PXDNL: variants seen among roughly 807,000 people sequenced by gnomAD.
The protein encoded by PXDNL is probable oxidoreductase PXDNL.
Under a neutral mutation model 150.8 loss-of-function variants are expected in PXDNL, and 145 were observed. That is an observed-to-expected ratio of 0.96 (90% CI 0.84 to 1.10). The LOEUF (loss-of-function observed/expected upper bound fraction) is 1.10. Ranked by LOEUF, PXDNL falls within the 50% of genes least tolerant of loss-of-function variation. The pLI, the probability that PXDNL is intolerant of heterozygous loss-of-function variation, is 0.00. For missense variants in PXDNL, 2,087 were observed against 1,873.9 expected (o/e 1.11, Z -2.10); for synonymous variants, 757 against 725.7 (o/e 1.04, Z -0.69).
At chr8:51,598,866 C>A (rs540818760) in intron 2 of PXDNL, among the ~76,000 whole-genome samples, 4 of 151,526 alleles carry the variant, frequency 2.6e-5, no homozygotes, top group Non-Finnish European at 5.9e-5. Flanking sequence ...CCATTTGGTA[C>A]AAGGCTTATT....
intron 11 of PXDNL, among the ~76,000 whole-genome samples, chr8:51,447,876 A>G (rs1809712722): frequency 6.6e-6 from 1 of 152,188 alleles, no homozygotes; most frequent in South Asian, 2.1e-4. Flanking sequence ...AAATTATTCA[A>G]ATCAAACCCC....
chr8:51,377,478 G>A (rs1807363011), intron 17 of PXDNL, among the ~76,000 whole-genome samples: 1 of 152,204 alleles, frequency 6.6e-6, no homozygotes, highest in South Asian at 2.1e-4. Flanking sequence ...AGCTAAACGA[G>A]GCCGGAGCCG....
At chr8:51,525,998 G>A (rs928709590) in intron 4 of PXDNL, among the ~76,000 whole-genome samples, 2 of 152,210 alleles carry the variant, frequency 1.3e-5, no homozygotes, top group African/African-American at 2.4e-5. Context: ...GGGAAATGCT[G>A]CTGAAACTGC....
intron 6 of PXDNL, among the ~76,000 whole-genome samples, chr8:51,479,782 A>C (rs1810560210): frequency 6.6e-6 from 1 of 152,174 alleles, no homozygotes; most frequent in Non-Finnish European, 1.5e-5. Context: ...TATTAAGGTG[A>C]TGGTTACACT....
chr8:51,524,757 G>T (rs1005682261), intron 4 of PXDNL, among the ~76,000 whole-genome samples: 1 of 152,138 alleles, frequency 6.6e-6, no homozygotes, highest in Non-Finnish European at 1.5e-5. Context: ...TGTGTGCCTA[G>T]TTACAGAATG....
intron 12 of PXDNL, among the ~76,000 whole-genome samples, chr8:51,445,142 A>T (rs543530329): frequency 6.6e-6 from 1 of 152,230 alleles, no homozygotes; most frequent in African/African-American, 2.4e-5. Context: ...CTGGTCTCGA[A>T]CACCTGATCT....
chr8:51,472,197 T>C lies in PXDNL; in HGVS notation c.802A>G (p.Ile268Val), dbSNP rs773631417. Residue 268 changes from isoleucine to valine, a missense_variant, in exon 8 of 23, where the codon ATA becomes GTA. By Grantham distance (29) the Ile-to-Val change is conservative (BLOSUM62 3). Transcript: ENST00000356297. ...EGNPKPEIIW[I>V]HNNHSLDLED... ...ATGCTCAGTATTTACTTGTTGTGTA[T>C]CCAAATAATCTCAGGTTTGGGGTTT... 15 of 1,608,686 alleles carry C rather than the reference T, an allele frequency of 9.3e-6. No homozygotes were observed. The highest frequency in any genetic ancestry group is 1.7e-4 in the Middle Eastern group (1 of 6,058).
intron 2 of PXDNL, among the ~76,000 whole-genome samples, chr8:51,621,190 G>C (rs1814244845): frequency 6.6e-6 from 1 of 151,586 alleles, no homozygotes; most frequent in Non-Finnish European, 1.5e-5. Context: ...TCATGCATAA[G>C]GATATATTAC....
chr8:51,646,028 T>C (rs568227518), intron 2 of PXDNL, among the ~76,000 whole-genome samples: 4 of 151,798 alleles, frequency 2.6e-5, no homozygotes, highest in Admixed American at 2.6e-4. Context: ...GTTAGGAGGA[T>C]ACCAAGGAAA....
chr8:51,777,125 T>C (rs2037362079), intron 1 of PXDNL, among the ~76,000 whole-genome samples: 1 of 152,202 alleles, frequency 6.6e-6, no homozygotes, highest in Non-Finnish European at 1.5e-5. Context: ...CCATTTAATA[T>C]ATGCAAAATG....
intron 2 of PXDNL, among the ~76,000 whole-genome samples, chr8:51,626,694 A>G (rs936064972): frequency 6.6e-6 from 1 of 152,204 alleles, no homozygotes; most frequent in African/African-American, 2.4e-5. Context: ...TCAAAAGCCA[A>G]TCAGCTCGTC....
chr8:51,413,314 G>T, intron 14 of PXDNL, 56 bp from the exon 15 acceptor site: 2 of 1,029,402 alleles, frequency 1.9e-6, no homozygotes, highest in Non-Finnish European at 3.0e-6. Flanking sequence ...AGTTAGGCAT[G>T]ATATTATATG....
At chr8:51,525,807 G>A (rs1009914031) in intron 4 of PXDNL, among the ~76,000 whole-genome samples, 2 of 152,170 alleles carry the variant, frequency 1.3e-5, no homozygotes, top group African/African-American at 4.8e-5. Flanking sequence ...AGGACCAGGG[G>A]ACAGCTCGTC....
At chr8:51,691,658 CA>C (rs1414303793) in intron 1 of PXDNL, among the ~76,000 whole-genome samples, 1 of 151,956 alleles carries the variant, frequency 6.6e-6, no homozygotes, top group Non-Finnish European at 1.5e-5. Context: ...GTCATTAAGA[CA>C]AAGGCACAAC....
chr8:51,442,531 T>C (rs760410598), intron 12 of PXDNL, among the ~76,000 whole-genome samples: 4 of 152,062 alleles, frequency 2.6e-5, no homozygotes, highest in Non-Finnish European at 4.4e-5. Context: ...TAAAGAAATA[T>C]CTATTCAGAC....
intron 2 of PXDNL, among the ~76,000 whole-genome samples, chr8:51,649,642 G>A (rs993540569): frequency 6.6e-6 from 1 of 152,010 alleles, no homozygotes; most frequent in African/African-American, 2.4e-5. Context: ...TCTAGTTGGG[G>A]GGGAGTCTGT....
intron 3 of PXDNL, among the ~76,000 whole-genome samples, chr8:51,567,786 A>C (rs1345719063): frequency 6.6e-6 from 1 of 151,796 alleles, no homozygotes; most frequent in African/African-American, 2.4e-5. Flanking sequence ...GTTCTGATAT[A>C]AAACGATGCG....
At chr8:51,382,672 C>G (rs139055618) in intron 17 of PXDNL, among the ~76,000 whole-genome samples, 273 of 151,796 alleles carry the variant, frequency 1.8e-3, no homozygotes, top group African/African-American at 6.5e-3. Context: ...TATCATACAC[C>G]CCTGCATTAC....
intron 21 of PXDNL, among the ~76,000 whole-genome samples, chr8:51,334,343 C>T (rs1412161165): frequency 6.6e-6 from 1 of 151,932 alleles, no homozygotes; most frequent in Admixed American, 6.6e-5. Context: ...AAGTTTATAG[C>T]CCTAAATGTC....
Sources: gnomAD v4.1 joint callset for allele counts (sites outside exome capture counted in the v4.1 genomes callset) on GRCh38, gnomAD v4.1.1 for gene constraint, MANE v1.5 for transcripts, NCBI Gene and HGNC (gene_info 2026-07-23, HGNC 2026-07-21) for gene names.